Variants in STAC observed in about 807,000 individuals in gnomAD.
STAC encodes the protein SH3 and cysteine rich domain.
Under a neutral mutation model 48.8 loss-of-function variants are expected in STAC, and 43 were observed. The ratio of observed to expected loss-of-function variants is 0.88; its 90% confidence interval spans 0.69 to 1.14. The LOEUF (loss-of-function observed/expected upper bound fraction) is 1.14. STAC is among the 50% of genes most tolerant of loss of function. The pLI, the probability that STAC is intolerant of heterozygous loss-of-function variation, is 0.00. For missense variants in STAC, 497 were observed against 504.0 expected, an observed-to-expected ratio of 0.99 and a Z score of 0.13; for synonymous variants, 193 against 179.5, an observed-to-expected ratio of 1.07 and a Z score of -0.60.
At chr3:36,466,411 G>A (rs1697173078) in intron 2 of STAC, among the ~76,000 whole-genome samples, 1 of 151,306 alleles carries the variant, frequency 6.6e-6, no homozygotes, top group Admixed American at 6.6e-5. Context: ...ATGAATTCTA[G>A]GATTGTTTTT....
rs1699483291 is a variant in STAC, at chr3:36,380,527, G to A, written c.-117G>A. 3 of 752,504 alleles carry A rather than the reference G, an allele frequency of 4.0e-6. No individual in the cohort carries two copies. The highest frequency in any genetic ancestry group is 6.2e-5 in the East Asian group (2 of 32,486). The allele number at this position is 752,504 out of a possible 1,614,324, so 46.6% of individuals were successfully genotyped here. ...GAGGAGGGCACGTCGGCGCCTCGGC[G>A]AGGATGGGAGTCCCCAGGACCCGGA... On this transcript the variant is annotated 5_prime_UTR_variant, in exon 1 of 11. Coordinates refer to ENST00000273183, the MANE Select transcript of STAC (RefSeq NM_003149.3).
chr3:36,425,353 T>C (rs570717752), intron 1 of STAC, among the ~76,000 whole-genome samples: 9 of 152,150 alleles, frequency 5.9e-5, no homozygotes, highest in Admixed American at 2.6e-4. Flanking sequence ...AAACCCAACA[T>C]GAAAGATAAT....
intron 1 of STAC, among the ~76,000 whole-genome samples, chr3:36,424,214 G>GT (rs1010114903): frequency 4.7e-5 from 7 of 150,460 alleles, no homozygotes; most frequent in Non-Finnish European, 1.0e-4. Context: ...TGTTCTTCAT[G>GT]TTTTTTTCCA....
chr3:36,403,850 G>A (rs529958005), intron 1 of STAC, among the ~76,000 whole-genome samples: 1 of 152,162 alleles, frequency 6.6e-6, no homozygotes, highest in African/African-American at 2.4e-5. Context: ...CCAATACTGA[G>A]TCATTTGAAT....
Position 36,419,977 on chromosome 3 carries a change from A to AT in STAC, c.112-23380dup, listed in dbSNP as rs201580948. Among the ~76,000 whole-genome samples, 177 of 152,052 alleles carry AT rather than the reference A, an allele frequency of 1.2e-3. 3 individuals carry two copies. In the East Asian group the frequency reaches 0.026, roughly 22 times the overall value. On this transcript the variant is annotated intron_variant, in intron 1 of 10. Transcript: ENST00000273183. ...TCTGGAGATTATCATACTCCTTGCT[A>AT]TTTTTTTGCTTTCTTTTTAAATTAT...
In STAC at chr3:36,418,551, G is replaced by A. The variant is rs78281089; in HGVS notation, c.112-24813G>A. On this transcript the variant is annotated intron_variant, in intron 1 of 10. Coordinates refer to ENST00000273183, the MANE Select transcript of STAC (RefSeq NM_003149.3). ...GTGGTTTCTCATAAGGTAATTTTTG[G>A]TGAGTGTTTCCTAGGCACTTGAAAA... Among the ~76,000 whole-genome samples the A allele has an allele frequency of 1.1e-3, 173 of 152,050 alleles. 3 individuals are homozygous for A. The East Asian group carries it at 0.026, about 23-fold the overall frequency.
chr3:36,448,510 C>T (rs1486754184), intron 2 of STAC, among the ~76,000 whole-genome samples: 2 of 152,064 alleles, frequency 1.3e-5, no homozygotes, highest in Non-Finnish European at 2.9e-5. Flanking sequence ...CATGAGCCAC[C>T]GCACCCAGCC....
intron 1 of STAC, among the ~76,000 whole-genome samples, chr3:36,398,690 A>AAAAG (rs550062269): frequency 0.016 from 2,310 of 140,830 alleles, 50 homozygotes; most frequent in Non-Finnish European, 0.026. Flanking sequence ...AGAAAGAAAG[A>AAAAG]AAAGAAAGAA....
At chr3:36,505,486 T>A (rs1698379811) in intron 7 of STAC, among the ~76,000 whole-genome samples, 1 of 152,192 alleles carries the variant, frequency 6.6e-6, no homozygotes, top group South Asian at 2.1e-4. Context: ...AAAGAAAATT[T>A]ATTTGAAGAA....
rs1247120268 is a variant in STAC, at chr3:36,497,211, T to C, written c.766+3982T>C. 7.9e-5 allele frequency among the ~76,000 whole-genome samples: 12 copies of C among 152,230 alleles called. No homozygotes were observed. In the South Asian group the frequency reaches 1.0e-3, roughly 13 times the overall value. Reference sequence around the variant, plus strand: ...ATTACAGATGCAAATATTTGTGGTATGTTTCTGCAACACATGCTTTGTATC... The same window carrying C: ...ATTACAGATGCAAATATTTGTGGTACGTTTCTGCAACACATGCTTTGTATC... On this transcript the variant is annotated intron_variant, in intron 6 of 10. Transcript: ENST00000273183.
chr3:36,416,268 C>CG (rs1373487169), intron 1 of STAC, among the ~76,000 whole-genome samples: 1 of 152,116 alleles, frequency 6.6e-6, no homozygotes, highest in Non-Finnish European at 1.5e-5. Context: ...CCCAGGACTT[C>CG]AAGACCAGCC....
At chr3:36,475,413 C>T (rs1697466677) in intron 2 of STAC, among the ~76,000 whole-genome samples, 1 of 152,152 alleles carries the variant, frequency 6.6e-6, no homozygotes. Context: ...AACATGTGAT[C>T]ATTCAGGCCA....
intron 2 of STAC, among the ~76,000 whole-genome samples, chr3:36,482,136 T>C (rs571312015): frequency 1.1e-3 from 164 of 152,332 alleles, no homozygotes; most frequent in African/African-American, 3.8e-3. Context: ...TCAGAGCAGA[T>C]GGCATTCTCT....
chr3:36,484,814 C>T (rs1697757632), intron 3 of STAC, among the ~76,000 whole-genome samples, 163 bp from the exon 4 acceptor site: 1 of 152,094 alleles, frequency 6.6e-6, no homozygotes. Context: ...GCCTCTGTGT[C>T]CCTGCTGGGA....
intron 8 of STAC, among the ~76,000 whole-genome samples, chr3:36,527,747 C>A (rs1052402418): frequency 2.0e-5 from 3 of 152,134 alleles, no homozygotes; most frequent in African/African-American, 7.2e-5. Flanking sequence ...ATTGTCACAG[C>A]TGTGTTGAAT....
chr3:36,488,851 C>T (rs763968072), intron 5 of STAC, among the ~76,000 whole-genome samples: 7 of 152,126 alleles, frequency 4.6e-5, no homozygotes, highest in Non-Finnish European at 1.0e-4. Context: ...AAAGGCTTTG[C>T]GCCACTTCCC....
rs372092346 is a variant in STAC at position 36,528,949 on chromosome 3, T to C, written c.1074T>C (p.Cys358=). 2.9e-5 allele frequency: 46 copies of C among 1,613,036 alleles called. 1 individual carries two copies. The highest frequency in any genetic ancestry group is 1.0e-4 in the Admixed American group (6 of 59,936). The change falls in exon 10 of 11, where the codon TGT becomes TGC. Residue 358 remains cysteine (C), a synonymous_variant. Coordinates refer to ENST00000273183, the MANE Select transcript of STAC (RefSeq NM_003149.3). ...GATGTGTTAGAACCTTCATTGGGTG[T>C]AAGGAACAGGGGCAGATAACACTGA... ...IFRCVRTFIG[C]KEQGQITLKE...
At chr3:36,484,754 C>A (rs1156944384) in intron 3 of STAC, among the ~76,000 whole-genome samples, 3 of 152,158 alleles carry the variant, frequency 2.0e-5, no homozygotes, top group Non-Finnish European at 4.4e-5. Context: ...AGGGCCAGGA[C>A]CTTGTTTTCT....
chr3:36,439,376 G>A (rs911471373), intron 1 of STAC, among the ~76,000 whole-genome samples: 1 of 152,186 alleles, frequency 6.6e-6, no homozygotes, highest in Non-Finnish European at 1.5e-5. Context: ...GGAGTTCTCA[G>A]AGGGCTCTCC....
Sources: allele counts gnomAD v4.1 joint callset (sites outside exome capture counted in the v4.1 genomes callset), GRCh38; gene constraint gnomAD v4.1.1; transcripts MANE v1.5; gene names NCBI Gene and HGNC (gene_info 2026-07-23, HGNC 2026-07-21).